Variants in EZH1 observed in about 807,000 individuals in gnomAD.
The protein encoded by EZH1 is enhancer of zeste 1 polycomb repressive complex 2 subunit, also known as histone-lysine N-methyltransferase EZH1.
A neutral mutation model predicts 100.5 loss-of-function variants in EZH1; 33 were observed. The ratio of observed to expected loss-of-function variants is 0.33; its 90% CI spans 0.25 to 0.44. The LOEUF is 0.44. Among genes scored for constraint, EZH1 ranks in the 20% least tolerant of loss-of-function variants. The pLI is 1.00. For missense variants in EZH1, 475 were observed against 928.4 expected (o/e 0.51, Z 6.35); for synonymous variants, 272 against 313.8 (o/e 0.87, Z 1.41).
chr17:42,708,312 AT>A (rs1264727627), intron 14 of EZH1, among the ~76,000 whole-genome samples: 1 of 152,092 alleles, frequency 6.6e-6, no homozygotes, highest in Non-Finnish European at 1.5e-5. Flanking sequence ...CAGGGAAGCT[AT>A]TCTAAACATT....
intron 3 of EZH1, 74 bp from the exon 4 acceptor site, chr17:42,727,837 G>A (rs2053852260): frequency 9.0e-7 from 1 of 1,110,636 alleles, no homozygotes; most frequent in Non-Finnish European, 1.1e-6. Context: ...TTTTTGAGAT[G>A]GAGTCTTGCT....
chr17:42,727,009 G>A lies in EZH1; in HGVS notation c.246+626C>T, dbSNP rs151280458. Among the ~76,000 whole-genome samples, 19 of 151,510 alleles carry A rather than the reference G, an allele frequency of 1.3e-4. No individual in the cohort carries two copies. The East Asian group carries it at 2.9e-3, about 23-fold the overall frequency. On this transcript the variant is annotated intron_variant, in intron 4 of 20. Transcript: ENST00000428826. The stretch of plus-strand genomic sequence containing the variant: ...GGATTATAGGTGTGCACCATCACAC[G>A]CAGCTAACTTTTGTATTTTTAGTAG...
At chr17:42,702,754 C>T in intron 20 of EZH1, 123 bp downstream of exon 20, 1 of 1,285,050 alleles carries the variant, frequency 7.8e-7, no homozygotes, top group Non-Finnish European at 1.1e-6. Flanking sequence ...AGGGACACAG[C>T]CTTATTCACC....
chr17:42,733,157 G>A (rs933606663), intron 1 of EZH1, among the ~76,000 whole-genome samples: 22 of 151,956 alleles, frequency 1.4e-4, no homozygotes, highest in South Asian at 8.3e-4. Context: ...GACCAACATG[G>A]AGAAACCCCG....
intron 2 of EZH1, among the ~76,000 whole-genome samples, chr17:42,730,487 CTTTTTTTTTTT>C (rs1156867481): frequency 6.5e-4 from 43 of 66,666 alleles, no homozygotes; most frequent in African/African-American, 2.3e-3. Context: ...AGTATGTATT[CTTTTTTTTTTT>C]TTTTTTTTTT....
At position 42,706,003 on chromosome 17, in the gene EZH1, T is replaced by G; in HGVS notation, c.1839+4A>C. On this transcript the variant is annotated splice_donor_region_variant and intron_variant, in intron 16 of 20. Transcript: ENST00000428826. This position sits in a 1 kb window ranked among gnomAD's most constrained non-coding sequence, Gnocchi z 4.4. ...TGGTGTGGGGTCCTGAGGAAAGGCC[T>G]CACCTTCTTAAGTCCACGCTGGATG... is the stretch of plus-strand genomic sequence containing the variant. 2 of 1,610,144 alleles carry G rather than the reference T, an allele frequency of 1.2e-6. No individual in the cohort carries two copies. The highest frequency in any genetic ancestry group is 1.7e-6 in the Non-Finnish European group (2 of 1,178,160).
chr17:42,712,203 C>T, intron 12 of EZH1, 86 bp downstream of exon 12: 2 of 1,412,958 alleles, frequency 1.4e-6, no homozygotes, highest in Non-Finnish European at 1.9e-6. Context: ...CAGACCCAGA[C>T]ACACAGCCTG....
chr17:42,710,420 G>A (rs2053453571), intron 12 of EZH1, among the ~76,000 whole-genome samples: 1 of 152,106 alleles, frequency 6.6e-6, no homozygotes, highest in Non-Finnish European at 1.5e-5. Context: ...TAAAGCACTG[G>A]TTTTTAGTTT....
Position 42,718,103 on chromosome 17 carries a change from A to G in EZH1, c.932-36T>C. 6.4e-7 allele frequency: 1 copy of G among 1,560,838 alleles called. No homozygotes were observed. The highest frequency in any genetic ancestry group is 1.7e-5 in the Admixed American group (1 of 59,428). On this transcript the variant is annotated intron_variant, in intron 9 of 20. Coordinates refer to ENST00000428826, the MANE Select transcript of EZH1 (RefSeq NM_001991.5). The surrounding 1 kb of genome is among the most constrained non-coding windows in gnomAD (Gnocchi z 4.2). Reference sequence around the variant, plus strand: ...AAAACTGTCTTGTTGCCAGTGGTCTATCCACTTGACAAGATGGGGAGAAAC... The same window carrying G: ...AAAACTGTCTTGTTGCCAGTGGTCTGTCCACTTGACAAGATGGGGAGAAAC...
rs1273834122 is a variant in EZH1, at chr17:42,727,653, T to C, written c.228A>G (p.Gly76=). 1 of 1,613,158 alleles carries C rather than the reference T, an allele frequency of 6.2e-7. No homozygotes were observed. The highest frequency in any genetic ancestry group is 8.5e-7 in the Non-Finnish European group (1 of 1,179,596). Residue 76 remains glycine (G), a synonymous_variant, in exon 4 of 21, where the codon GGA becomes GGG. Transcript: ENST00000428826. ...QPVQSMKPVS[G]HPFLKKCTIE... ...AAAGTACCTTTTTGAGAAAAGGGTG[T>C]CCACTCACAGGCTTCATTGACTGAA...
chr17:42,732,754 G>T (rs1034434085), intron 1 of EZH1, among the ~76,000 whole-genome samples: 1 of 152,004 alleles, frequency 6.6e-6, no homozygotes, highest in Non-Finnish European at 1.5e-5. Context: ...GGGCGATAGC[G>T]AGACTCTGTC....
chr17:42,729,574 C>CA (rs71157667), intron 2 of EZH1, among the ~76,000 whole-genome samples: 176 of 137,972 alleles, frequency 1.3e-3, no homozygotes, highest in East Asian at 6.0e-3. Flanking sequence ...ACTAAAAATA[C>CA]AAAAAAAAAA....
At chr17:42,729,029 A>G in intron 2 of EZH1, 77 bp from the exon 3 acceptor site, 1 of 1,317,682 alleles carries the variant, frequency 7.6e-7, no homozygotes, top group Non-Finnish European at 1.0e-6. Context: ...AAAAAAAAAA[A>G]GATCAATTAT....
chr17:42,724,584 C>T (rs2053780565), intron 4 of EZH1, 160 bp from the exon 5 acceptor site: 5 of 656,406 alleles, frequency 7.6e-6, no homozygotes, highest in Non-Finnish European at 5.0e-6. Flanking sequence ...CAGTTGGAGA[C>T]CAGCCAGGCC....
chr17:42,704,576 T>G, intron 18 of EZH1, 26 bp downstream of exon 18: 1 of 1,578,742 alleles, frequency 6.3e-7, no homozygotes. Context: ...AAGACCACCT[T>G]GGGATGAGAC....
chr17:42,703,949 G>T, intron 18 of EZH1, 129 bp from the exon 19 acceptor site: 1 of 717,228 alleles, frequency 1.4e-6, no homozygotes, highest in Non-Finnish European at 2.5e-6. Context: ...AGCCCAGTGT[G>T]CTAACAGGAG....
chr17:42,709,982 G>A (rs372570787), intron 12 of EZH1, 45 bp from the exon 13 acceptor site: 173 of 1,576,492 alleles, frequency 1.1e-4, no homozygotes, highest in Non-Finnish European at 1.4e-4. Context: ...GAGCAAGGGG[G>A]TCAGGTAAGT....
rs1006926735 is a variant in EZH1, at chr17:42,706,951, T to C, written c.1661-766A>G. The stretch of plus-strand genomic sequence containing the variant: ...CTGCGGCTAAGATCACTATCTGCTA[T>C]GGGTTAGGAGGTATTTCCTCCAGCA... On this transcript the variant is annotated intron_variant, in intron 15 of 20. Coordinates refer to ENST00000428826, the MANE Select transcript of EZH1 (RefSeq NM_001991.5). This position sits in a 1 kb window ranked among gnomAD's most constrained non-coding sequence, Gnocchi z 4.4. Among the ~76,000 whole-genome samples, 1 of 152,198 alleles carries C rather than the reference T, an allele frequency of 6.6e-6. No homozygotes were observed. Among genetic ancestry groups the C allele is most frequent in the Non-Finnish European group, 1.5e-5 (1 of 68,038 alleles).
intron 1 of EZH1, among the ~76,000 whole-genome samples, chr17:42,739,154 T>C (rs2054128360): frequency 6.6e-6 from 1 of 152,160 alleles, no homozygotes; most frequent in Non-Finnish European, 1.5e-5. Context: ...TGCAAAGAGC[T>C]CTAGTAACAC....
Sources: allele counts gnomAD v4.1 joint callset (sites outside exome capture counted in the v4.1 genomes callset), GRCh38; gene constraint gnomAD v4.1.1; non-coding constraint Gnocchi (gnomAD v3.1); transcripts MANE v1.5; gene names NCBI Gene and HGNC (gene_info 2026-07-23, HGNC 2026-07-21).